EPB41: variants seen among roughly 807,000 people sequenced by gnomAD.
EPB41 encodes the protein erythrocyte membrane protein band 4.1.
EPB41 carries 65 observed loss-of-function variants against 108.0 expected under a neutral mutation model. The ratio of observed to expected loss-of-function variants is 0.60; its 90% CI spans 0.49 to 0.74. The LOEUF (loss-of-function observed/expected upper bound fraction) is 0.74. Among genes scored for constraint, EPB41 ranks in the 30% least tolerant of loss-of-function variants. EPB41 has a pLI of 0.00. For synonymous variants in EPB41, 336 were observed against 358.9 expected, an observed-to-expected ratio of 0.94 and a Z score of 0.72; for missense variants, 875 against 1,037.0, an observed-to-expected ratio of 0.84 and a Z score of 2.15.
chr1:28,898,842 A>G (rs1344113765), intron 1 of EPB41, among the ~76,000 whole-genome samples: 1 of 152,250 alleles, frequency 6.6e-6, no homozygotes, highest in Non-Finnish European at 1.5e-5. Context: ...CAAAGCCAGC[A>G]GCAGCCTTGA....
intron 8 of EPB41, among the ~76,000 whole-genome samples, chr1:29,032,077 T>C (rs1572772000): frequency 7.0e-6 from 1 of 143,558 alleles, no homozygotes; most frequent in South Asian, 2.2e-4. Flanking sequence ...CCAGCCTGGG[T>C]GACAGTTGAG....
In EPB41 at chr1:28,967,889, C is replaced by T. The variant is rs947570774; in HGVS notation, c.-7-19542C>T. Among the ~76,000 whole-genome samples, 10 of 150,122 alleles carry T rather than the reference C, an allele frequency of 6.7e-5. No individual in the cohort carries two copies. The Admixed American group carries it at 6.7e-4, about 10-fold the overall frequency. ...GTGTGATCTCAGCTCACTGCAACCT[C>T]TGCCTCCCCGGTTCAAGTGATTTTC... is the stretch of plus-strand genomic sequence containing the variant. On this transcript the variant is annotated intron_variant, in intron 1 of 20. Coordinates refer to ENST00000343067, the MANE Select transcript of EPB41 (RefSeq NM_001376013.1).
chr1:29,022,559 A>G (rs1228518440), intron 7 of EPB41, among the ~76,000 whole-genome samples: 1 of 151,854 alleles, frequency 6.6e-6, no homozygotes, highest in Non-Finnish European at 1.5e-5. Context: ...TGTCTCTACT[A>G]AAAATACAAA....
chr1:29,011,224 G>A (rs2096496033), intron 4 of EPB41, among the ~76,000 whole-genome samples: 1 of 151,976 alleles, frequency 6.6e-6, no homozygotes, highest in Non-Finnish European at 1.5e-5. Flanking sequence ...AATTAGCCGG[G>A]TGTGGTCGTG....
chr1:29,079,925 G>C (rs899184534), intron 16 of EPB41, among the ~76,000 whole-genome samples: 7 of 152,054 alleles, frequency 4.6e-5, no homozygotes, highest in African/African-American at 1.7e-4. Flanking sequence ...CCGCCTGGGT[G>C]GCGGAGGTTG....
chr1:29,092,568 T>C (rs1661663289), intron 16 of EPB41, among the ~76,000 whole-genome samples: 1 of 152,202 alleles, frequency 6.6e-6, no homozygotes, highest in Non-Finnish European at 1.5e-5. Flanking sequence ...CTTTTAACTT[T>C]TATTTTAGGT....
At chr1:29,111,510 G>A (rs1055614499) in intron 18 of EPB41, among the ~76,000 whole-genome samples, 7 of 151,962 alleles carry the variant, frequency 4.6e-5, no homozygotes, top group South Asian at 4.2e-4. Flanking sequence ...AAAATTAGCC[G>A]GGCGTGGTGG....
rs563917097 is a variant in EPB41, at chr1:28,954,100, C to T, written c.-7-33331C>T. Among the ~76,000 whole-genome samples, 7 of 152,290 alleles carry T rather than the reference C, an allele frequency of 4.6e-5. No individual in the cohort carries two copies. In the East Asian group the frequency reaches 9.6e-4, roughly 21 times the overall value. ...AACATGTTCCATAACAATTCTAATG[C>T]GCACCCCAGGTGAGAACTGCTGCTG... On this transcript the variant is annotated intron_variant, in intron 1 of 20. Coordinates refer to ENST00000343067, the MANE Select transcript of EPB41 (RefSeq NM_001376013.1).
chr1:29,035,058 C>T (rs1638934965), intron 9 of EPB41, among the ~76,000 whole-genome samples: 1 of 149,982 alleles, frequency 6.7e-6, no homozygotes, highest in Non-Finnish European at 1.5e-5. Flanking sequence ...CTCAGCTCAC[C>T]GCAACCTCTA....
intron 1 of EPB41, among the ~76,000 whole-genome samples, chr1:28,952,355 G>T (rs1353417508): frequency 6.6e-6 from 1 of 152,042 alleles, no homozygotes; most frequent in African/African-American, 2.4e-5. Context: ...GTGAAACCCT[G>T]TCTCTACTAA....
intron 1 of EPB41, among the ~76,000 whole-genome samples, chr1:28,954,263 A>G (rs1280821757): frequency 2.0e-5 from 3 of 152,214 alleles, no homozygotes; most frequent in Admixed American, 6.5e-5. Flanking sequence ...GCTATTTATC[A>G]TTGTTGTAGA....
intron 11 of EPB41, among the ~76,000 whole-genome samples, chr1:29,050,046 A>G (rs541475134): frequency 4.2e-4 from 64 of 152,318 alleles, no homozygotes; most frequent in African/African-American, 1.5e-3. Flanking sequence ...CACTACCATG[A>G]TATTATAGAG....
chr1:29,030,942 C>A (rs2150285412), intron 8 of EPB41, among the ~76,000 whole-genome samples: 1 of 152,138 alleles, frequency 6.6e-6, no homozygotes, highest in South Asian at 2.1e-4. Context: ...CCTGCCTCAG[C>A]CTCCTGAGTA....
chr1:28,970,911 G>A (rs1373037485), intron 1 of EPB41, among the ~76,000 whole-genome samples: 1 of 152,070 alleles, frequency 6.6e-6, no homozygotes, highest in Non-Finnish European at 1.5e-5. Context: ...GCAAAGGTGC[G>A]ATCTCGGCTC....
chr1:29,067,495 CAAAAAAAAA>C (rs71022390), intron 16 of EPB41, among the ~76,000 whole-genome samples: 67 of 25,634 alleles, frequency 2.6e-3, no homozygotes, highest in Admixed American at 1.0e-2. Flanking sequence ...GACTCTGTCT[CAAAAAAAAA>C]AAAAAAAAAA....
chr1:29,010,386 CA>C (rs1572388699), intron 4 of EPB41, among the ~76,000 whole-genome samples: 2 of 151,936 alleles, frequency 1.3e-5, no homozygotes, highest in East Asian at 3.9e-4. Flanking sequence ...ATCTTTTGGA[CA>C]AGGGAAGGGG....
At chr1:29,096,632 T>G in intron 16 of EPB41, 1 of 974,694 alleles carries the variant, frequency 1.0e-6, no homozygotes, top group Non-Finnish European at 1.2e-6. Context: ...GATGCAGGTC[T>G]AATGACTGTC....
chr1:29,043,800 G>A (rs1011403146), intron 11 of EPB41, among the ~76,000 whole-genome samples: 11 of 152,196 alleles, frequency 7.2e-5, no homozygotes, highest in Non-Finnish European at 1.0e-4. Flanking sequence ...TCAGTGAAAA[G>A]CAGGGCGAAG....
At chr1:28,923,342 G>T (rs187286567) in intron 1 of EPB41, among the ~76,000 whole-genome samples, 15 of 151,906 alleles carry the variant, frequency 9.9e-5, no homozygotes, top group African/African-American at 3.1e-4. Context: ...TAATCTACCC[G>T]CCTCGGCCTC....
Sources: gnomAD v4.1 joint callset for allele counts (sites outside exome capture counted in the v4.1 genomes callset) on GRCh38, gnomAD v4.1.1 for gene constraint, MANE v1.5 for transcripts, NCBI Gene and HGNC (gene_info 2026-07-23, HGNC 2026-07-21) for gene names.